TNRC6A: variants seen among roughly 807,000 people sequenced by gnomAD.
TNRC6A encodes the protein trinucleotide repeat-containing gene 6A protein.
In TNRC6A, 44 loss-of-function variants were observed where a neutral mutation model predicts 221.2. The ratio of observed to expected loss-of-function variants is 0.20; its 90% CI spans 0.16 to 0.26. The LOEUF (loss-of-function observed/expected upper bound fraction) is 0.26, where lower values mean the gene tolerates loss of function less well. Among genes scored for constraint, TNRC6A ranks in the 10% least tolerant of loss-of-function variants. The probability of loss-of-function intolerance (pLI) is 1.00; values close to 1 mark genes in which losing one functional copy is unlikely to be tolerated. For synonymous variants in TNRC6A, 847 were observed against 838.5 expected (o/e 1.01, Z -0.18); for missense variants, 2,199 against 2,404.4 (o/e 0.91, Z 1.79).
chr16:24,651,551 A>C (rs1245912095), intron 2 of TNRC6A, among the ~76,000 whole-genome samples: 3 of 148,816 alleles, frequency 2.0e-5, no homozygotes, highest in Non-Finnish European at 4.5e-5. Context: ...AAAAAAAAAA[A>C]AAAAAAAAAA....
intron 2 of TNRC6A, among the ~76,000 whole-genome samples, chr16:24,690,406 G>GT (rs936433819): frequency 1.3e-5 from 2 of 152,128 alleles, no homozygotes; most frequent in African/African-American, 4.8e-5. Flanking sequence ...AAAAGTGGAG[G>GT]TTTTTTTCCT....
At chr16:24,728,067 A>T (rs927297398), upstream of TNRC6A, among the ~76,000 whole-genome samples, 2 of 152,224 alleles carry the variant, frequency 1.3e-5, no homozygotes, top group African/African-American at 4.8e-5. Context: ...GCATTCATTC[A>T]CTAGCTTAAC....
Position 24,789,829 on chromosome 16 carries a change from G to A in TNRC6A, c.1187G>A (p.Ser396Asn). The stretch of plus-strand genomic sequence containing the variant: ...AGTTCTGGCATTAATATTCAGTGCA[G>A]TACTATAGGCCAGATGCCTAACAAT... ...SGSSGINIQC[S>N]TIGQMPNNQS... The change falls in exon 6 of 25, where the codon AGT becomes AAT. Residue 396 changes from serine (S) to asparagine (N), a missense_variant. Ser to Asn is a conservative substitution (Grantham distance 46). This residue lies in a region of TNRC6A where 1,405 missense variants were observed against 1,400.2 expected (regional missense o/e 1.00). Coordinates refer to ENST00000395799, the MANE Select transcript of TNRC6A (RefSeq NM_014494.4). The A allele has an allele frequency of 6.2e-7, 1 of 1,614,198 alleles. No homozygotes were observed. Among genetic ancestry groups the A allele is most frequent in the Admixed American group, 1.7e-5 (1 of 60,028 alleles).
chr16:24,715,037 C>T (rs779899508), intron 2 of TNRC6A, among the ~76,000 whole-genome samples: 10 of 151,660 alleles, frequency 6.6e-5, no homozygotes, highest in Non-Finnish European at 1.5e-4. Flanking sequence ...CCACCACACC[C>T]GGCTAAGTTT....
chr16:24,749,942 C>T (rs2057099070), intron 2 of TNRC6A, among the ~76,000 whole-genome samples: 1 of 152,168 alleles, frequency 6.6e-6, no homozygotes, highest in African/African-American at 2.4e-5. Flanking sequence ...GAGTTTGAGA[C>T]CAGCCTGGCC....
intron 2 of TNRC6A, among the ~76,000 whole-genome samples, chr16:24,664,526 AATAT>A (rs945633005): frequency 4.2e-5 from 6 of 143,232 alleles, no homozygotes; most frequent in African/African-American, 1.5e-4. Flanking sequence ...TAATAAATAT[AATAT>A]ATATATTTTT....
chr16:24,736,343 C>G (rs931500851), intron 2 of TNRC6A, among the ~76,000 whole-genome samples: 2 of 152,186 alleles, frequency 1.3e-5, no homozygotes, highest in African/African-American at 4.8e-5. Flanking sequence ...GGCATTCTAC[C>G]TGACAGCAAT....
intron 3 of TNRC6A, among the ~76,000 whole-genome samples, chr16:24,754,491 C>T (rs1348926935): frequency 1.3e-5 from 2 of 151,860 alleles, no homozygotes; most frequent in Non-Finnish European, 2.9e-5. Flanking sequence ...ATCTAAGAAC[C>T]AGGGCTATTA....
intron 2 of TNRC6A, among the ~76,000 whole-genome samples, chr16:24,669,941 C>CT (rs535737725): frequency 0.016 from 443 of 27,172 alleles, 149 homozygotes; most frequent in South Asian, 0.026. Flanking sequence ...GAGGCAGCTA[C>CT]TTTTTTTTTT....
chr16:24,720,562 G>A (rs2056390815), intron 2 of TNRC6A, among the ~76,000 whole-genome samples: 2 of 144,838 alleles, frequency 1.4e-5, no homozygotes, highest in Non-Finnish European at 3.0e-5. Context: ...ATGGTGGCAG[G>A]CTCCTGTAAT....
At chr16:24,636,794 T>C (rs1901657430) in intron 1 of TNRC6A, among the ~76,000 whole-genome samples, 1 of 152,352 alleles carries the variant, frequency 6.6e-6, no homozygotes, top group South Asian at 2.1e-4. Flanking sequence ...AAATTCAAGA[T>C]GCAAAAGCAT....
chr16:24,619,116 G>C (rs1249151763), intron 1 of TNRC6A, among the ~76,000 whole-genome samples: 5 of 152,176 alleles, frequency 3.3e-5, no homozygotes, highest in African/African-American at 1.2e-4. Context: ...GAATGTAACA[G>C]ATTGATTTAT....
intron 3 of TNRC6A, among the ~76,000 whole-genome samples, chr16:24,756,214 C>T (rs1044832303): frequency 1.3e-5 from 2 of 152,050 alleles, no homozygotes; most frequent in Non-Finnish European, 2.9e-5. Context: ...GTGTATTTTG[C>T]TCATCTCAGT....
At position 24,789,616 on chromosome 16, in the gene TNRC6A, A is replaced by G; in HGVS notation, c.974A>G (p.Gln325Arg). The G allele has an allele frequency of 6.2e-7, 1 of 1,614,150 alleles. No homozygotes were observed. Among genetic ancestry groups the G allele is most frequent in the Non-Finnish European group, 8.5e-7 (1 of 1,180,020 alleles). The change falls in exon 6 of 25, where the codon CAG becomes CGG. Residue 325 changes from glutamine to arginine, a missense_variant. Transcript: ENST00000395799. ...FSHGAIISTC[Q>R]VSVDAPESKS... Reference sequence around the variant, plus strand: ...CATGGAGCCATAATAAGCACATGTCAGGTCTCTGTGGATGCTCCTGAAAGC... The same window carrying G: ...CATGGAGCCATAATAAGCACATGTCGGGTCTCTGTGGATGCTCCTGAAAGC...
In TNRC6A at chr16:24,820,373, C is replaced by A; in HGVS notation, c.5302+13C>A. 1 of 1,612,028 alleles carries A rather than the reference C, an allele frequency of 6.2e-7. No individual in the cohort carries two copies. Among genetic ancestry groups the A allele is most frequent in the South Asian group, 1.1e-5 (1 of 90,912 alleles). ...AGATATACCCCAGGTAAGATGCAGT[C>A]GTAAGGTGGGTTTCTGTGGTTTATT... On this transcript the variant is annotated intron_variant, in intron 22 of 24. Transcript: ENST00000395799.
chr16:24,680,388 T>C (rs1316162161), intron 2 of TNRC6A, among the ~76,000 whole-genome samples: 13 of 151,200 alleles, frequency 8.6e-5, no homozygotes, highest in East Asian at 3.9e-4. Flanking sequence ...ACCACTGTAC[T>C]CTAGCCTGGG....
chr16:24,729,454 GACTCCGCAGGCCCCCCCAGCC>G (rs1393002874), upstream of TNRC6A, among the ~76,000 whole-genome samples: 5 of 151,746 alleles, frequency 3.3e-5, no homozygotes, highest in South Asian at 2.1e-4. Context: ...TTGGACTCGG[GACTCCGCAGGCCCCCCCAGCC>G]ACTCCGCGGG....
intron 2 of TNRC6A, among the ~76,000 whole-genome samples, chr16:24,701,472 T>G (rs1156238079): frequency 6.6e-6 from 1 of 151,998 alleles, no homozygotes; most frequent in Non-Finnish European, 1.5e-5. Context: ...GTTCAAGCAA[T>G]TCTCCTGCCT....
intron 1 of TNRC6A, among the ~76,000 whole-genome samples, chr16:24,623,332 G>A (rs1231168839): frequency 1.3e-5 from 2 of 152,064 alleles, no homozygotes; most frequent in African/African-American, 4.8e-5. Flanking sequence ...CCGAGTAGCT[G>A]GGACTACAGG....
Sources: gnomAD v4.1 joint callset for allele counts (sites outside exome capture counted in the v4.1 genomes callset) on GRCh38, gnomAD v4.1.1 for gene constraint, gnomAD v4.1.1 regional missense constraint, MANE v1.5 for transcripts, NCBI Gene and HGNC (gene_info 2026-07-23, HGNC 2026-07-21) for gene names.